The following CAMKMT variants were observed in gnomAD, a reference collection of about 807,000 sequenced individuals.
The protein encoded by CAMKMT is calmodulin-lysine N-methyltransferase, also known as CaM KMT.
CAMKMT carries 53 observed loss-of-function variants against 48.0 expected under a neutral mutation model. That is an observed-to-expected ratio of 1.10 (90% CI 0.89 to 1.39). CAMKMT has a LOEUF of 1.39. Among genes scored for constraint, CAMKMT ranks in the 40% most tolerant of loss-of-function variants. CAMKMT has a pLI of 0.00. For synonymous variants in CAMKMT, 165 were observed against 152.3 expected, an observed-to-expected ratio of 1.08 and a Z score of -0.61; for missense variants, 428 against 402.7, an observed-to-expected ratio of 1.06 and a Z score of -0.54.
At chr2:44,595,161 G>A (rs2103834497) in intron 3 of CAMKMT, among the ~76,000 whole-genome samples, 1 of 152,214 alleles carries the variant, frequency 6.6e-6, no homozygotes, top group East Asian at 1.9e-4. Context: ...AACAGATGCT[G>A]GAGAGGATGT....
chr2:44,405,002 T>C (rs1016581331), intron 3 of CAMKMT, among the ~76,000 whole-genome samples: 5 of 152,246 alleles, frequency 3.3e-5, no homozygotes, highest in African/African-American at 9.6e-5. Context: ...GAAAATGCGT[T>C]GTGTTTAAAT....
chr2:44,427,817 G>A (rs993063488), intron 3 of CAMKMT, among the ~76,000 whole-genome samples: 6 of 152,150 alleles, frequency 3.9e-5, no homozygotes, highest in African/African-American at 1.4e-4. Flanking sequence ...GTAAAAATGT[G>A]ATAGTGAAAT....
chr2:44,590,474 T>C (rs945718767), intron 3 of CAMKMT, among the ~76,000 whole-genome samples: 26 of 152,220 alleles, frequency 1.7e-4, no homozygotes, highest in African/African-American at 5.3e-4. Context: ...TGGTATCTCA[T>C]TGTGGTTTTG....
At chr2:44,613,540 T>G (rs1671711295) in intron 3 of CAMKMT, among the ~76,000 whole-genome samples, 1 of 152,228 alleles carries the variant, frequency 6.6e-6, no homozygotes, top group South Asian at 2.1e-4. Context: ...TGCAAAGCAC[T>G]GTGTTTAACT....
intron 3 of CAMKMT, among the ~76,000 whole-genome samples, chr2:44,514,393 A>G (rs1246001345): frequency 6.6e-6 from 1 of 152,190 alleles, no homozygotes; most frequent in East Asian, 1.9e-4. Flanking sequence ...GTATGGCATG[A>G]TATAGGTGGC....
chr2:44,632,538 G>A (rs1335208060), intron 3 of CAMKMT, among the ~76,000 whole-genome samples: 1 of 152,060 alleles, frequency 6.6e-6, no homozygotes, highest in Non-Finnish European at 1.5e-5. Context: ...TTTTTTGTGT[G>A]ACAAGAGCAA....
At chr2:44,757,199 G>T (rs747837298) in intron 9 of CAMKMT, among the ~76,000 whole-genome samples, 1 of 152,242 alleles carries the variant, frequency 6.6e-6, no homozygotes, top group Non-Finnish European at 1.5e-5. Context: ...CCAGGGGGAT[G>T]CTGGCTTGGC....
At chr2:44,490,010 T>TCACA (rs975749765) in intron 3 of CAMKMT, among the ~76,000 whole-genome samples, 3 of 150,930 alleles carry the variant, frequency 2.0e-5, no homozygotes, top group Non-Finnish European at 4.4e-5. Context: ...ACACGCACAC[T>TCACA]CACACACACA....
chr2:44,525,071 T>C (rs1361046919), intron 3 of CAMKMT, among the ~76,000 whole-genome samples: 1 of 152,176 alleles, frequency 6.6e-6, no homozygotes, highest in South Asian at 2.1e-4. Flanking sequence ...GAGATTAAGA[T>C]AGCACACGTT....
intron 3 of CAMKMT, among the ~76,000 whole-genome samples, chr2:44,569,226 T>C (rs765834951): frequency 1.3e-5 from 2 of 152,150 alleles, no homozygotes; most frequent in Non-Finnish European, 2.9e-5. Context: ...TCAAAATAAA[T>C]GTTTTTCATT....
intron 3 of CAMKMT, among the ~76,000 whole-genome samples, chr2:44,587,823 C>G (rs989845011): frequency 2.2e-5 from 3 of 136,274 alleles, no homozygotes; most frequent in Non-Finnish European, 3.2e-5. Flanking sequence ...GATCTCGGCT[C>G]GCTACAACCT....
intron 3 of CAMKMT, among the ~76,000 whole-genome samples, chr2:44,659,004 C>T (rs542013355): frequency 1.3e-5 from 2 of 151,788 alleles, no homozygotes; most frequent in African/African-American, 4.8e-5. Context: ...GTCTTTCATC[C>T]CATGTTGTTA....
chr2:44,452,357 A>T (rs1667337844), intron 3 of CAMKMT, among the ~76,000 whole-genome samples: 1 of 151,948 alleles, frequency 6.6e-6, no homozygotes. Context: ...TTGAGAGAGA[A>T]TTTTTTCCTT....
intron 3 of CAMKMT, among the ~76,000 whole-genome samples, chr2:44,619,554 G>C (rs1178274039): frequency 6.6e-6 from 1 of 152,018 alleles, no homozygotes; most frequent in African/African-American, 2.4e-5. Context: ...ATTTTCTACA[G>C]TTACATGCTG....
intron 3 of CAMKMT, among the ~76,000 whole-genome samples, chr2:44,488,843 TTGTGTGTGTGTGTG>T (rs142299931): frequency 2.1e-5 from 3 of 141,966 alleles, no homozygotes; most frequent in Non-Finnish European, 3.1e-5. Flanking sequence ...CTTAGGGTAT[TTGTGTGTGTGTGTG>T]TGTGTGTGTG....
intron 9 of CAMKMT, among the ~76,000 whole-genome samples, chr2:44,762,353 C>T (rs894154974): frequency 6.6e-6 from 1 of 152,126 alleles, no homozygotes; most frequent in Non-Finnish European, 1.5e-5. Context: ...AGAAAATCAG[C>T]ATAAGCTTAA....
intron 3 of CAMKMT, among the ~76,000 whole-genome samples, chr2:44,680,948 G>A (rs1374001805): frequency 1.3e-5 from 2 of 152,228 alleles, no homozygotes; most frequent in Non-Finnish European, 2.9e-5. Context: ...TGCCATGGGT[G>A]ACCTGCGCTA....
At chr2:44,580,243 A>AAAAATAAAATGAAAT (rs1669477397) in intron 3 of CAMKMT, among the ~76,000 whole-genome samples, 1 of 139,946 alleles carries the variant, frequency 7.1e-6, no homozygotes. Flanking sequence ...ATCAGGGCTC[A>AAAAATAAAATGAAAT]AAAATAAAAT....
intron 3 of CAMKMT, among the ~76,000 whole-genome samples, chr2:44,404,104 A>G (rs1455121456): frequency 6.6e-6 from 1 of 152,208 alleles, no homozygotes; most frequent in East Asian, 1.9e-4. Context: ...TCCAGAAGGC[A>G]GGAGTGATGT....
Sources: allele counts gnomAD v4.1 joint callset (sites outside exome capture counted in the v4.1 genomes callset), GRCh38; gene constraint gnomAD v4.1.1; transcripts MANE v1.5; gene names NCBI Gene and HGNC (gene_info 2026-07-23, HGNC 2026-07-21).